MPPED2: variants seen among roughly 807,000 people sequenced by gnomAD.
MPPED2 encodes the protein metallophosphoesterase domain containing 2, also known as metallophosphoesterase MPPED2.
A neutral mutation model predicts 33.0 loss-of-function variants in MPPED2; 5 were observed. That is an observed-to-expected ratio of 0.15 (90% CI 0.08 to 0.32). The LOEUF (loss-of-function observed/expected upper bound fraction) is 0.32, where lower values mean the gene tolerates loss of function less well. Among genes scored for constraint, MPPED2 ranks in the 10% least tolerant of loss-of-function variants. The pLI, the probability that MPPED2 is intolerant of heterozygous loss-of-function variation, is 1.00. For missense variants in MPPED2, 275 were observed against 372.1 expected, an observed-to-expected ratio of 0.74 and a Z score of 2.15; for synonymous variants, 136 against 141.9, an observed-to-expected ratio of 0.96 and a Z score of 0.29.
At chr11:30,583,139 T>TC (rs1957259249) in intron 1 of MPPED2, among the ~76,000 whole-genome samples, 1 of 33,178 alleles carries the variant, frequency 3.0e-5, no homozygotes, top group African/African-American at 8.5e-5. Context: ...TTTTTCTTTT[T>TC]TTTTTTTTTT....
chr11:30,545,210 G>C (rs765927128), intron 2 of MPPED2, among the ~76,000 whole-genome samples: 2 of 152,140 alleles, frequency 1.3e-5, no homozygotes, highest in Non-Finnish European at 2.9e-5. Flanking sequence ...TAGGAAAAGT[G>C]GGGTTGCTCC....
intron 4 of MPPED2, among the ~76,000 whole-genome samples, chr11:30,445,365 C>T (rs1402205412): frequency 1.3e-5 from 2 of 152,182 alleles, no homozygotes; most frequent in African/African-American, 4.8e-5. Context: ...CCAGACCAAA[C>T]ATCTTTCCAT....
intron 3 of MPPED2, chr11:30,501,526 A>T (rs1472924939): frequency 3.3e-6 from 2 of 609,016 alleles, no homozygotes; most frequent in Admixed American, 6.3e-5. Context: ...TCCTTCTCTC[A>T]TCCAGATATC....
intron 3 of MPPED2, among the ~76,000 whole-genome samples, chr11:30,523,990 C>G (rs1954020463): frequency 6.6e-6 from 1 of 152,098 alleles, no homozygotes; most frequent in Non-Finnish European, 1.5e-5. Context: ...GTGGCTCATG[C>G]CTGTAATCCC....
At chr11:30,460,665 A>G (rs893229099) in intron 4 of MPPED2, among the ~76,000 whole-genome samples, 1 of 152,180 alleles carries the variant, frequency 6.6e-6, no homozygotes, top group Admixed American at 6.6e-5. Flanking sequence ...TATTTTTAAA[A>G]TTTTTAATTT....
chr11:30,571,455 AG>A (rs1164677783), intron 2 of MPPED2, among the ~76,000 whole-genome samples: 3 of 152,126 alleles, frequency 2.0e-5, no homozygotes. Flanking sequence ...ACACAGACAA[AG>A]CTTCTAAGTG....
intron 3 of MPPED2, among the ~76,000 whole-genome samples, chr11:30,523,292 T>C (rs1454281404): frequency 6.6e-6 from 1 of 151,954 alleles, no homozygotes; most frequent in African/African-American, 2.4e-5. Context: ...GGAAACAATA[T>C]ACAGGCAGGC....
intron 2 of MPPED2, among the ~76,000 whole-genome samples, chr11:30,553,140 A>G (rs561193752): frequency 1.3e-5 from 2 of 152,186 alleles, no homozygotes; most frequent in South Asian, 4.2e-4. Flanking sequence ...CTCTTGCCCT[A>G]CTCAGTTTAT....
intron 6 of MPPED2, among the ~76,000 whole-genome samples, chr11:30,390,485 G>C (rs553037622): frequency 2.0e-5 from 3 of 152,340 alleles, no homozygotes; most frequent in Admixed American, 6.5e-5. Flanking sequence ...ACCATCCTTT[G>C]GTCCCTGGAG....
At chr11:30,514,770 C>A (rs1459972575) in intron 3 of MPPED2, among the ~76,000 whole-genome samples, 2 of 152,096 alleles carry the variant, frequency 1.3e-5, no homozygotes, top group African/African-American at 2.4e-5. Context: ...AGATTTGGAA[C>A]CAACACATCC....
intron 4 of MPPED2, among the ~76,000 whole-genome samples, chr11:30,460,021 A>C (rs978228000): frequency 6.6e-6 from 1 of 152,212 alleles, no homozygotes; most frequent in African/African-American, 2.4e-5. Flanking sequence ...ATGAGAAAGC[A>C]CTGGGAGCTT....
At chr11:30,585,907 C>G (rs1957446943) in intron 1 of MPPED2, 135 bp downstream of exon 1, 1 of 152,246 alleles carries the variant, frequency 6.6e-6, no homozygotes, top group African/African-American at 2.4e-5. Flanking sequence ...TCGCACGCGC[C>G]TCTGACAAGG....
chr11:30,456,768 G>A (rs537944), intron 4 of MPPED2, among the ~76,000 whole-genome samples: 53,520 of 151,960 alleles, frequency 0.35, 13,596 homozygotes, highest in African/African-American at 0.71. Context: ...GACCTTTCCA[G>A]TGCCTTAAAC....
intron 6 of MPPED2, among the ~76,000 whole-genome samples, chr11:30,392,709 C>G (rs1947795490): frequency 6.6e-6 from 1 of 152,180 alleles, no homozygotes; most frequent in Non-Finnish European, 1.5e-5. Context: ...TGAGCTGGAG[C>G]TCAGGAGCAT....
chr11:30,460,563 C>G (rs1286923688), intron 4 of MPPED2, among the ~76,000 whole-genome samples: 9 of 152,052 alleles, frequency 5.9e-5, no homozygotes, highest in Non-Finnish European at 1.5e-5. Flanking sequence ...TTCCAGGCTG[C>G]AGTGAACTAT....
intron 2 of MPPED2, among the ~76,000 whole-genome samples, chr11:30,539,774 C>A (rs537973735): frequency 3.9e-5 from 6 of 152,236 alleles, no homozygotes; most frequent in East Asian, 1.9e-4. Flanking sequence ...GCACAGGCAA[C>A]CACACCCAGC....
At chr11:30,397,681 T>A (rs1947855335) in intron 6 of MPPED2, among the ~76,000 whole-genome samples, 1 of 152,154 alleles carries the variant, frequency 6.6e-6, no homozygotes, top group South Asian at 2.1e-4. Flanking sequence ...AACAATCCTG[T>A]AAGATCAGTA....
intron 4 of MPPED2, among the ~76,000 whole-genome samples, chr11:30,432,918 T>C (rs1319343925): frequency 6.6e-6 from 1 of 152,180 alleles, no homozygotes; most frequent in Non-Finnish European, 1.5e-5. Flanking sequence ...CTAACTGATA[T>C]GATAACATAC....
intron 4 of MPPED2, among the ~76,000 whole-genome samples, chr11:30,482,679 T>C (rs2134130283): frequency 6.6e-6 from 1 of 152,324 alleles, no homozygotes; most frequent in South Asian, 2.1e-4. Context: ...ATGAATTTTC[T>C]CTGGCATATT....
Sources: gnomAD v4.1 joint callset for allele counts (sites outside exome capture counted in the v4.1 genomes callset) on GRCh38, gnomAD v4.1.1 for gene constraint, MANE v1.5 for transcripts, NCBI Gene and HGNC (gene_info 2026-07-23, HGNC 2026-07-21) for gene names.